The following PPP3CB variants were observed in gnomAD, a reference collection of about 807,000 sequenced individuals.
PPP3CB encodes serine/threonine-protein phosphatase 2B catalytic subunit beta isoform.
PPP3CB carries 8 observed loss-of-function variants against 66.4 expected under a neutral mutation model. The ratio of observed to expected loss-of-function variants is 0.12; its 90% confidence interval spans 0.07 to 0.22. PPP3CB has a LOEUF of 0.22. PPP3CB is among the 10% of genes least tolerant of loss of function. The probability of loss-of-function intolerance (pLI) is 1.00; values close to 1 mark genes in which losing one functional copy is unlikely to be tolerated. For synonymous variants in PPP3CB, 208 were observed against 221.2 expected (o/e 0.94, Z 0.53); for missense variants, 319 against 642.5 (o/e 0.50, Z 5.44).
rs368825081 is a variant in PPP3CB at position 73,477,749 on chromosome 10, C to T, written c.411+750G>A. ...CTGGGCAACATAGGAAACTCCATTG[C>T]TACAAAAAAATTAAAAATTAGTCTA... On this transcript the variant is annotated intron_variant, in intron 3 of 13. Coordinates refer to ENST00000360663, the MANE Select transcript of PPP3CB (RefSeq NM_021132.4). Among the ~76,000 whole-genome samples the T allele has an allele frequency of 7.2e-5, 11 of 152,016 alleles. No individual in the cohort carries two copies. The East Asian group carries it at 1.5e-3, about 21-fold the overall frequency.
intron 12 of PPP3CB, among the ~76,000 whole-genome samples, chr10:73,441,442 A>C (rs560543358): frequency 6.6e-5 from 10 of 152,248 alleles, no homozygotes; most frequent in African/African-American, 2.4e-4. Flanking sequence ...CCCCCCAAAA[A>C]AAGTTTAAAA....
intron 10 of PPP3CB, 26 bp from the exon 11 acceptor site, chr10:73,446,599 G>C: frequency 1.3e-6 from 2 of 1,597,132 alleles, no homozygotes; most frequent in Non-Finnish European, 1.7e-6. Flanking sequence ...TAAATAGAGA[G>C]AAAGGCTCAA....
intron 12 of PPP3CB, among the ~76,000 whole-genome samples, chr10:73,442,620 C>T (rs2056167203): frequency 6.6e-6 from 1 of 151,418 alleles, no homozygotes; most frequent in Non-Finnish European, 1.5e-5. Flanking sequence ...TTTTAATGTA[C>T]ATTCATGAAA....
intron 9 of PPP3CB, among the ~76,000 whole-genome samples, chr10:73,457,627 A>G (rs1430041743): frequency 6.6e-6 from 1 of 151,964 alleles, no homozygotes; most frequent in Non-Finnish European, 1.5e-5. Context: ...AATCCCAGCT[A>G]CTTGGGAGGG....
At chr10:73,448,679 A>G (rs753017253) in intron 10 of PPP3CB, 3 of 533,306 alleles carry the variant, frequency 5.6e-6, no homozygotes, top group Admixed American at 3.9e-5. Flanking sequence ...TTATTGCCAT[A>G]TATGAGCCGT....
chr10:73,479,245 CAGT>C, intron 2 of PPP3CB, 69 bp downstream of exon 2: 3 of 1,330,130 alleles, frequency 2.3e-6, no homozygotes, highest in Non-Finnish European at 3.2e-6. Context: ...TCATTGAAAA[CAGT>C]AAGTTGTAAA....
intron 1 of PPP3CB, among the ~76,000 whole-genome samples, chr10:73,483,303 A>G (rs530024183): frequency 6.6e-6 from 1 of 152,346 alleles, no homozygotes; most frequent in South Asian, 2.1e-4. Context: ...GAGGTAGATG[A>G]AAGCTATAGG....
Position 73,495,925 on chromosome 10 carries a change from C to A in PPP3CB, c.-36G>T. 2 of 120,714 alleles carry A rather than the reference C, an allele frequency of 1.7e-5. No homozygotes were observed. The highest frequency in any genetic ancestry group is 2.8e-5 in the Non-Finnish European group (2 of 71,330). The allele number at this position is 120,714 out of a possible 1,614,324, so 7.5% of individuals were successfully genotyped here. A position where few individuals can be genotyped will look rare whatever the true frequency, so the allele number is the denominator to read the frequency against. ...GGGCTCGGCTAGGCTCTGGGCCGGG[C>A]GGGGTTGGGGGCGGGGGCGGCGGCT... On this transcript the variant is annotated 5_prime_UTR_variant, in exon 1 of 14. Coordinates refer to ENST00000360663, the MANE Select transcript of PPP3CB (RefSeq NM_021132.4).
At chr10:73,467,912 G>T (rs2056644450) in intron 8 of PPP3CB, among the ~76,000 whole-genome samples, 1 of 152,086 alleles carries the variant, frequency 6.6e-6, no homozygotes, top group Non-Finnish European at 1.5e-5. Context: ...CATTACTAAT[G>T]AAATTTCCAG....
chr10:73,479,944 T>C (rs993745486), intron 1 of PPP3CB, among the ~76,000 whole-genome samples: 5 of 152,018 alleles, frequency 3.3e-5, no homozygotes, highest in African/African-American at 1.2e-4. Context: ...GGAGGATCAC[T>C]TGAGGCCAGA....
At chr10:73,442,387 C>A (rs1011936473) in intron 12 of PPP3CB, among the ~76,000 whole-genome samples, 2 of 152,116 alleles carry the variant, frequency 1.3e-5, no homozygotes, top group African/African-American at 2.4e-5. Context: ...AGGGGCTAAT[C>A]GTGAAATCTG....
intron 3 of PPP3CB, chr10:73,477,333 T>G (rs940618871): frequency 3.6e-5 from 17 of 467,420 alleles, no homozygotes; most frequent in African/African-American, 3.5e-4. Flanking sequence ...GTATGAATAA[T>G]ATGACTCATT....
chr10:73,491,441 A>C (rs1176184017), intron 1 of PPP3CB, among the ~76,000 whole-genome samples: 1 of 152,176 alleles, frequency 6.6e-6, no homozygotes, highest in Admixed American at 6.5e-5. Context: ...CTGGGATTAC[A>C]GGCATGAACC....
At chr10:73,487,973 G>A (rs1402163002) in intron 1 of PPP3CB, among the ~76,000 whole-genome samples, 1 of 151,692 alleles carries the variant, frequency 6.6e-6, no homozygotes, top group African/African-American at 2.4e-5. Flanking sequence ...TAGAGACGGG[G>A]TTTCACCATG....
intron 1 of PPP3CB, among the ~76,000 whole-genome samples, chr10:73,482,641 G>C (rs1392165249): frequency 1.3e-5 from 2 of 149,584 alleles, no homozygotes; most frequent in Non-Finnish European, 3.0e-5. Flanking sequence ...TTTTGAGACA[G>C]AGTCTCATTC....
intron 12 of PPP3CB, chr10:73,444,033 C>T (rs1483635982): frequency 6.6e-6 from 1 of 152,306 alleles, no homozygotes; most frequent in Non-Finnish European, 1.5e-5. Context: ...TTTAATTGAA[C>T]ATACTTTTAC....
intron 1 of PPP3CB, among the ~76,000 whole-genome samples, chr10:73,491,833 G>A (rs574266414): frequency 6.6e-6 from 1 of 152,260 alleles, no homozygotes; most frequent in East Asian, 1.9e-4. Context: ...CGGGCGTGGT[G>A]GCACATGCCT....
chr10:73,470,664 T>G (rs1162883912), intron 8 of PPP3CB, 23 bp downstream of exon 8: 1 of 1,420,266 alleles, frequency 7.0e-7, no homozygotes, highest in Non-Finnish European at 9.6e-7. Context: ...GTTTAACAAT[T>G]TTTTTTATCA....
chr10:73,476,158 A>G (rs542510778), intron 3 of PPP3CB, among the ~76,000 whole-genome samples: 527 of 152,224 alleles, frequency 3.5e-3, no homozygotes, highest in Admixed American at 6.6e-3. Context: ...CACACCCAAC[A>G]AAACTTTATT....
Sources: allele counts gnomAD v4.1 joint callset (sites outside exome capture counted in the v4.1 genomes callset), GRCh38; gene constraint gnomAD v4.1.1; transcripts MANE v1.5; gene names NCBI Gene and HGNC (gene_info 2026-07-23, HGNC 2026-07-21).